KLF12: variants seen among roughly 807,000 people sequenced by gnomAD.
KLF12 encodes KLF transcription factor 12.
KLF12 carries 9 observed loss-of-function variants against 37.8 expected under a neutral mutation model. The observed-to-expected ratio is 0.24, with a 90% CI of 0.14 to 0.42. The LOEUF (loss-of-function observed/expected upper bound fraction) is 0.42. Among genes scored for constraint, KLF12 ranks in the 10% least tolerant of loss-of-function variants. The pLI is 1.00. For synonymous variants in KLF12, 208 were observed against 202.1 expected, an observed-to-expected ratio of 1.03 and a Z score of -0.25; for missense variants, 411 against 516.0, an observed-to-expected ratio of 0.80 and a Z score of 1.97.
the KLF12 span, among the ~76,000 whole-genome samples, chr13:74,202,236 G>A: frequency 3.3e-5 from 5 of 152,136 alleles, no homozygotes; most frequent in African/African-American, 1.2e-4. Context: ...AAGACACAGA[G>A]GGAGGGAGAA....
intron 4 of KLF12, among the ~76,000 whole-genome samples, chr13:73,822,855 G>A (rs1031942618): frequency 6.6e-6 from 1 of 152,114 alleles, no homozygotes; most frequent in African/African-American, 2.4e-5. Context: ...AACTCTAGGA[G>A]CCCTCTGAGA....
intron 1 of KLF12, among the ~76,000 whole-genome samples, chr13:74,027,212 T>C (rs961453387): frequency 6.6e-6 from 1 of 152,162 alleles, no homozygotes; most frequent in Non-Finnish European, 1.5e-5. Context: ...TGAGAATTTG[T>C]GAAGAAATAC....
the KLF12 span, among the ~76,000 whole-genome samples, chr13:74,199,097 C>A: frequency 6.6e-6 from 1 of 152,180 alleles, no homozygotes; most frequent in African/African-American, 2.4e-5. Context: ...CACAGGACAG[C>A]CAGAGACTGG....
the KLF12 span, among the ~76,000 whole-genome samples, chr13:74,256,364 T>C: frequency 6.6e-6 from 1 of 152,172 alleles, no homozygotes. Context: ...TTGTGCTTTG[T>C]GGGTCTTGTT....
intron 1 of KLF12, among the ~76,000 whole-genome samples, chr13:74,072,364 AATATAT>A (rs773653636): frequency 0.1 from 6,601 of 62,962 alleles, 399 homozygotes; most frequent in Admixed American, 0.2. Context: ...AAGAAATACA[AATATAT>A]ATATATATAT....
At chr13:74,226,691 G>A in the KLF12 span, among the ~76,000 whole-genome samples, 1 of 152,062 alleles carries the variant, frequency 6.6e-6, no homozygotes, top group Non-Finnish European at 1.5e-5. Context: ...TCTTTCCATA[G>A]TGTATCAAAA....
intron 1 of KLF12, among the ~76,000 whole-genome samples, chr13:74,072,386 T>C (rs1321069334): frequency 7.7e-6 from 1 of 130,126 alleles, no homozygotes; most frequent in African/African-American, 2.7e-5. Flanking sequence ...TATATATATA[T>C]ATATATATAT....
chr13:74,091,074 G>T (rs971267866), intron 1 of KLF12, among the ~76,000 whole-genome samples: 1 of 152,124 alleles, frequency 6.6e-6, no homozygotes, highest in African/African-American at 2.4e-5. Flanking sequence ...ATGAGCTCAT[G>T]TGTCTATGGC....
chr13:73,766,731 C>A (rs535319411), intron 5 of KLF12, among the ~76,000 whole-genome samples: 13 of 152,162 alleles, frequency 8.5e-5, no homozygotes, highest in Non-Finnish European at 1.5e-4. Flanking sequence ...CCTAGGAGTA[C>A]AAAGAAACTA....
At chr13:74,167,401 C>T in the KLF12 span, among the ~76,000 whole-genome samples, 1 of 152,164 alleles carries the variant, frequency 6.6e-6, no homozygotes, top group Non-Finnish European at 1.5e-5. Context: ...GCTCCTTTTC[C>T]TAGACGCTGT....
the KLF12 span, chr13:74,258,358 TCC>T: frequency 6.6e-6 from 1 of 152,144 alleles, no homozygotes; most frequent in African/African-American, 2.4e-5. Flanking sequence ...GTCATTTCTT[TCC>T]CCTAAGTCTC....
At chr13:74,302,551 G>C in the KLF12 span, among the ~76,000 whole-genome samples, 1 of 152,154 alleles carries the variant, frequency 6.6e-6, no homozygotes, top group Non-Finnish European at 1.5e-5. Context: ...GAAGACTGAA[G>C]AAACTGACTT....
intron 1 of KLF12, among the ~76,000 whole-genome samples, chr13:74,054,977 C>T (rs1267279978): frequency 6.6e-6 from 1 of 152,146 alleles, no homozygotes; most frequent in Non-Finnish European, 1.5e-5. Context: ...AATACAGCAT[C>T]ACACACATCA....
In KLF12 at chr13:74,058,244, G is replaced by A. The variant is rs1873364115; in HGVS notation, c.-31-63191C>T. Among the ~76,000 whole-genome samples, 2 of 151,878 alleles carry A rather than the reference G, an allele frequency of 1.3e-5. 1 individual carries two copies. The highest frequency in any genetic ancestry group is 2.9e-5 in the Non-Finnish European group (2 of 67,994). ...GGACTCCCAAAGTGCTGGGATTACA[G>A]GCATGAGCCACTGTGCCCGGCCAGC... On this transcript the variant is annotated intron_variant, in intron 1 of 7. Transcript: ENST00000377669.
intron 1 of KLF12, among the ~76,000 whole-genome samples, chr13:74,031,799 T>A (rs1260826138): frequency 2.0e-5 from 1 of 48,976 alleles, no homozygotes; most frequent in African/African-American, 8.0e-5. Flanking sequence ...AATACAAATC[T>A]GAAAAAAAAT....
At chr13:73,976,720 G>A (rs1214718089) in intron 2 of KLF12, among the ~76,000 whole-genome samples, 1 of 152,204 alleles carries the variant, frequency 6.6e-6, no homozygotes, top group African/African-American at 2.4e-5. Flanking sequence ...GAGGATGTAT[G>A]TTAAAGTCAG....
the KLF12 span, among the ~76,000 whole-genome samples, chr13:74,266,670 T>C: frequency 6.6e-6 from 1 of 152,178 alleles, no homozygotes; most frequent in Admixed American, 6.5e-5. Context: ...AATGGATAGA[T>C]ACGTAGATAG....
the KLF12 span, among the ~76,000 whole-genome samples, chr13:74,237,424 G>A: frequency 3.6e-5 from 5 of 138,348 alleles, no homozygotes; most frequent in Non-Finnish European, 7.5e-5. Context: ...TGGCGACGCG[G>A]GCTCTTTTTT....
At chr13:73,929,689 C>A (rs1288229607) in intron 3 of KLF12, among the ~76,000 whole-genome samples, 1 of 152,164 alleles carries the variant, frequency 6.6e-6, no homozygotes, top group Non-Finnish European at 1.5e-5. Context: ...GTAAAAATAC[C>A]ACTGCTGCCA....
Sources: allele counts gnomAD v4.1 joint callset (sites outside exome capture counted in the v4.1 genomes callset), GRCh38; gene constraint gnomAD v4.1.1; transcripts MANE v1.5; gene names NCBI Gene and HGNC (gene_info 2026-07-23, HGNC 2026-07-21).